The following UBE2K variants were observed in gnomAD, a reference collection of about 807,000 sequenced individuals.
UBE2K encodes the protein ubiquitin conjugating enzyme E2 K.
In UBE2K, 6 loss-of-function variants were observed where a neutral mutation model predicts 30.0. That is an observed-to-expected ratio of 0.20 (90% CI 0.11 to 0.39). The LOEUF is 0.39. Among genes scored for constraint, UBE2K ranks in the 10% least tolerant of loss-of-function variants. The probability of loss-of-function intolerance (pLI) is 1.00; values close to 1 mark genes in which losing one functional copy is unlikely to be tolerated. For missense variants in UBE2K, 61 were observed against 241.6 expected, an observed-to-expected ratio of 0.25 and a Z score of 4.96; for synonymous variants, 86 against 83.7, an observed-to-expected ratio of 1.03 and a Z score of -0.15.
At chr4:39,756,942 T>A (rs1721544949) in intron 4 of UBE2K, among the ~76,000 whole-genome samples, 1 of 151,972 alleles carries the variant, frequency 6.6e-6, no homozygotes, top group East Asian at 1.9e-4. Context: ...CTGCCTAATC[T>A]TCTAAAGATT....
chr4:39,714,550 A>ATATATATATATATATATATTTTTTTTT, intron 1 of UBE2K: 2 of 17,842 alleles, frequency 1.1e-4, no homozygotes, highest in Non-Finnish European at 1.7e-4. Context: ...ATATATATAT[A>ATATATATATATATATATATTTTTTTTT]TTTTTTTTTT....
chr4:39,746,783 C>T (rs1053016534), intron 3 of UBE2K, among the ~76,000 whole-genome samples: 1 of 152,134 alleles, frequency 6.6e-6, no homozygotes, highest in South Asian at 2.1e-4. Flanking sequence ...CTATGAGGCC[C>T]GAGTATCACT....
intron 1 of UBE2K, among the ~76,000 whole-genome samples, chr4:39,730,673 C>T (rs980805247): frequency 2.0e-5 from 3 of 152,062 alleles, no homozygotes; most frequent in African/African-American, 7.2e-5. Flanking sequence ...GAGGCTAAGG[C>T]AGAAGGATCG....
chr4:39,753,729 A>G (rs1721388128), intron 3 of UBE2K, among the ~76,000 whole-genome samples: 1 of 152,230 alleles, frequency 6.6e-6, no homozygotes, highest in Admixed American at 6.5e-5. Context: ...AAGGCCCAGA[A>G]CAGGGGAAAA....
At position 39,779,490 on chromosome 4, in the gene UBE2K, G is replaced by A. The variant is rs1011838103; in HGVS notation, c.*1056G>A. 2 of 152,490 alleles carry A rather than the reference G, an allele frequency of 1.3e-5. No individual in the cohort carries two copies. The highest frequency in any genetic ancestry group is 2.9e-5 in the Non-Finnish European group (2 of 68,020). The allele number at this position is 152,490 out of a possible 1,614,324, so 9.4% of individuals were successfully genotyped here. A position where few individuals can be genotyped will look rare whatever the true frequency, so the allele number is the denominator to read the frequency against. On this transcript the variant is annotated 3_prime_UTR_variant, in exon 7 of 7. Coordinates refer to ENST00000261427, the MANE Select transcript of UBE2K (RefSeq NM_005339.5). ...CCTATTGACACATGAAAGCTGTGTT[G>A]GTGTTTTATTGTACATACTTCAGAT...
intron 1 of UBE2K, among the ~76,000 whole-genome samples, chr4:39,716,560 T>C (rs1288401658): frequency 2.0e-5 from 3 of 152,156 alleles, no homozygotes; most frequent in Non-Finnish European, 2.9e-5. Flanking sequence ...AGATGGACTA[T>C]TTGTATTAAA....
chr4:39,743,966 G>A (rs559403376), intron 2 of UBE2K, among the ~76,000 whole-genome samples: 1 of 152,108 alleles, frequency 6.6e-6, no homozygotes, highest in African/African-American at 2.4e-5. Flanking sequence ...GGGTTCAAGC[G>A]ATTCTTGTGC....
At chr4:39,770,523 GC>G (rs1428501117) in intron 4 of UBE2K, 3 of 1,603,782 alleles carry the variant, frequency 1.9e-6, no homozygotes, top group East Asian at 2.2e-5. Flanking sequence ...GCTGCCCCCC[GC>G]CCCCCGGGCA....
intron 4 of UBE2K, among the ~76,000 whole-genome samples, chr4:39,771,535 A>G (rs1280412824): frequency 1.3e-5 from 2 of 151,608 alleles, no homozygotes; most frequent in African/African-American, 2.4e-5. Context: ...CCCCCCACAC[A>G]CGGGCAGAGC....
At chr4:39,768,160 C>A (rs1372892432) in intron 4 of UBE2K, among the ~76,000 whole-genome samples, 1 of 151,730 alleles carries the variant, frequency 6.6e-6, no homozygotes, top group Non-Finnish European at 1.5e-5. Context: ...GAAAGACGGG[C>A]CATTGCGGTG....
chr4:39,735,583 G>A (rs571244922), intron 1 of UBE2K, among the ~76,000 whole-genome samples: 6 of 152,134 alleles, frequency 3.9e-5, no homozygotes, highest in Non-Finnish European at 7.4e-5. Flanking sequence ...GGGTTTCACC[G>A]TGTTAGCCAG....
intron 4 of UBE2K, among the ~76,000 whole-genome samples, chr4:39,764,579 C>T (rs1712190078): frequency 6.6e-6 from 1 of 152,010 alleles, no homozygotes; most frequent in South Asian, 2.1e-4. Context: ...ATCACAGGTG[C>T]ACACCACCAT....
At chr4:39,774,641 A>G (rs1024638486) in intron 4 of UBE2K, among the ~76,000 whole-genome samples, 193 bp from the exon 5 acceptor site, 4 of 152,172 alleles carry the variant, frequency 2.6e-5, no homozygotes, top group African/African-American at 9.7e-5. Context: ...AGAAATAGGC[A>G]AATTGTAAAG....
At chr4:39,705,774 G>A (rs934846744) in intron 1 of UBE2K, among the ~76,000 whole-genome samples, 7 of 151,808 alleles carry the variant, frequency 4.6e-5, no homozygotes, top group African/African-American at 9.7e-5. Context: ...TGCAACCTCC[G>A]CCTCCCAGGT....
intron 1 of UBE2K, among the ~76,000 whole-genome samples, chr4:39,727,043 A>G (rs1719792262): frequency 6.6e-6 from 1 of 152,252 alleles, no homozygotes. Context: ...ATTATGTCCA[A>G]CAAAAGAAAC....
At chr4:39,770,985 C>G in intron 4 of UBE2K, 5 of 1,604,978 alleles carry the variant, frequency 3.1e-6, no homozygotes, top group Non-Finnish European at 4.3e-6. Flanking sequence ...GGAGGAGGGA[C>G]TTGTTGGCGC....
chr4:39,728,970 C>A (rs1470299572), intron 1 of UBE2K, among the ~76,000 whole-genome samples: 5 of 146,696 alleles, frequency 3.4e-5, no homozygotes, highest in African/African-American at 5.0e-5. Context: ...CACAGCCCCC[C>A]ACCTTTTTTT....
intron 2 of UBE2K, among the ~76,000 whole-genome samples, chr4:39,742,910 G>T (rs970778113): frequency 6.6e-6 from 1 of 152,138 alleles, no homozygotes; most frequent in African/African-American, 2.4e-5. Context: ...GCTGGGCATT[G>T]TGGTGGGCAC....
intron 2 of UBE2K, among the ~76,000 whole-genome samples, chr4:39,738,777 A>G (rs561488275): frequency 6.6e-6 from 1 of 152,058 alleles, no homozygotes; most frequent in African/African-American, 2.4e-5. Context: ...TCCCAGAATC[A>G]AGTGATTCTC....
Sources: gnomAD v4.1 joint callset for allele counts (sites outside exome capture counted in the v4.1 genomes callset) on GRCh38, gnomAD v4.1.1 for gene constraint, MANE v1.5 for transcripts, NCBI Gene and HGNC (gene_info 2026-07-23, HGNC 2026-07-21) for gene names.